The following OLFM3 variants were observed in gnomAD, a reference collection of about 807,000 sequenced individuals.
OLFM3 encodes the protein olfactomedin 3, also known as noelin-3.
Under a neutral mutation model 48.6 loss-of-function variants are expected in OLFM3, and 20 were observed. The observed-to-expected ratio is 0.41, with a 90% confidence interval of 0.29 to 0.60. OLFM3 has a LOEUF of 0.60. Ranked by LOEUF, OLFM3 falls within the 20% of genes least tolerant of loss-of-function variation. The pLI, the probability that OLFM3 is intolerant of heterozygous loss-of-function variation, is 0.28. For synonymous variants in OLFM3, 222 were observed against 198.1 expected (o/e 1.12, Z -1.01); for missense variants, 437 against 544.3 (o/e 0.80, Z 1.96).
At chr1:101,807,230 C>T (rs1006712892) in intron 4 of OLFM3, among the ~76,000 whole-genome samples, 2 of 151,646 alleles carry the variant, frequency 1.3e-5, no homozygotes, top group African/African-American at 4.8e-5. Flanking sequence ...GATTTTTGAA[C>T]AGCAAAATTT....
intron 1 of OLFM3, among the ~76,000 whole-genome samples, chr1:101,915,264 T>A (rs1288896191): frequency 2.6e-5 from 4 of 152,172 alleles, no homozygotes; most frequent in African/African-American, 9.7e-5. Context: ...GAGTGCTTTA[T>A]TTAACCAGTG....
intron 1 of OLFM3, among the ~76,000 whole-genome samples, chr1:101,890,960 T>C (rs1657971504): frequency 6.6e-6 from 1 of 151,980 alleles, no homozygotes; most frequent in Non-Finnish European, 1.5e-5. Flanking sequence ...GCAGAGACCA[T>C]AGTCTTTCAT....
chr1:101,900,517 T>G (rs1180694056), intron 1 of OLFM3, among the ~76,000 whole-genome samples: 2 of 152,126 alleles, frequency 1.3e-5, no homozygotes, highest in Admixed American at 6.6e-5. Flanking sequence ...TTCAGTGGTT[T>G]GAAAATTGGC....
intron 1 of OLFM3, among the ~76,000 whole-genome samples, chr1:101,960,507 T>C (rs1428230139): frequency 6.6e-6 from 1 of 152,180 alleles, no homozygotes; most frequent in Non-Finnish European, 1.5e-5. Flanking sequence ...TCTGTTCTAC[T>C]AGCATTATTG....
chr1:101,826,685 T>C (rs1296338269), intron 3 of OLFM3, among the ~76,000 whole-genome samples: 1 of 152,186 alleles, frequency 6.6e-6, no homozygotes, highest in African/African-American at 2.4e-5. Context: ...GAAAGATTCA[T>C]AAATATCACA....
At chr1:101,885,273 C>G (rs1338570749) in intron 1 of OLFM3, among the ~76,000 whole-genome samples, 8 of 151,980 alleles carry the variant, frequency 5.3e-5, no homozygotes, top group Non-Finnish European at 1.0e-4. Flanking sequence ...CAGAAGATGA[C>G]TTTATGGAGA....
At position 101,996,922 on chromosome 1, in the gene OLFM3, C is replaced by T. The variant is rs1307769088; in HGVS notation, c.-106G>A. 2 of 1,212,254 alleles carry T rather than the reference C, an allele frequency of 1.6e-6. No individual in the cohort carries two copies. The highest frequency in any genetic ancestry group is 3.8e-5 in the Admixed American group (2 of 52,362). 75.1% of individuals were successfully genotyped at this position (1,212,254 alleles called of 1,614,324 possible). A position where few individuals can be genotyped will look rare whatever the true frequency, so the allele number is the denominator to read the frequency against. On this transcript the variant is annotated 5_prime_UTR_variant, in exon 1 of 6. Transcript: ENST00000370103. ...GCACTTTCTGCCTGCCAGTCAGAGC[C>T]GAGTGGAAGCAGAGGCGGCGGCAGC...
intron 1 of OLFM3, among the ~76,000 whole-genome samples, chr1:101,990,584 G>A (rs903802515): frequency 6.6e-6 from 1 of 152,132 alleles, no homozygotes; most frequent in African/African-American, 2.4e-5. Context: ...AGAGCTGAAA[G>A]CCACTTCTTA....
chr1:101,965,248 G>T (rs1386279876), intron 1 of OLFM3, among the ~76,000 whole-genome samples: 1 of 152,044 alleles, frequency 6.6e-6, no homozygotes, highest in African/African-American at 2.4e-5. Flanking sequence ...TAAACCCCCA[G>T]GCTAACGGGA....
intron 4 of OLFM3, among the ~76,000 whole-genome samples, 161 bp downstream of exon 4, chr1:101,824,865 C>T (rs1008471999): frequency 2.6e-5 from 4 of 152,044 alleles, no homozygotes; most frequent in African/African-American, 9.7e-5. Context: ...CACAGAGTAC[C>T]CAGACATGCT....
At chr1:101,926,744 T>C (rs760260026) in intron 1 of OLFM3, among the ~76,000 whole-genome samples, 1 of 152,220 alleles carries the variant, frequency 6.6e-6, no homozygotes, top group Non-Finnish European at 1.5e-5. Context: ...TGTATGATTC[T>C]ATTACGATGA....
chr1:101,920,580 C>T (rs1313008044), intron 1 of OLFM3, among the ~76,000 whole-genome samples: 1 of 152,158 alleles, frequency 6.6e-6, no homozygotes, highest in Non-Finnish European at 1.5e-5. Flanking sequence ...GTTTATTTTT[C>T]CTGTTTGTGT....
chr1:101,982,682 A>T (rs1572472), intron 1 of OLFM3, among the ~76,000 whole-genome samples: 150,160 of 152,280 alleles, frequency 0.99, 74,071 homozygotes, highest in Middle Eastern at 1. Context: ...AGAGAACTGC[A>T]CCTTCCTGAC....
intron 1 of OLFM3, among the ~76,000 whole-genome samples, chr1:101,892,211 G>T (rs1658026352): frequency 6.6e-6 from 1 of 151,672 alleles, no homozygotes; most frequent in African/African-American, 2.4e-5. Context: ...CCAAGCAAGA[G>T]ATGTATTGTA....
At chr1:101,881,938 G>A (rs1657543746) in intron 1 of OLFM3, among the ~76,000 whole-genome samples, 1 of 151,548 alleles carries the variant, frequency 6.6e-6, no homozygotes, top group African/African-American at 2.4e-5. Flanking sequence ...TGTACTGTAT[G>A]TAGTCATGTA....
At chr1:101,835,233 T>A (rs1176183502) in intron 2 of OLFM3, among the ~76,000 whole-genome samples, 1 of 152,208 alleles carries the variant, frequency 6.6e-6, no homozygotes, top group East Asian at 1.9e-4. Flanking sequence ...AGATTAGATC[T>A]TTTTACTAAT....
At chr1:101,960,249 A>G (rs1660428484) in intron 1 of OLFM3, among the ~76,000 whole-genome samples, 1 of 152,162 alleles carries the variant, frequency 6.6e-6, no homozygotes. Context: ...ATAAAGGCTG[A>G]AAGCAATTGA....
chr1:101,812,541 A>G (rs1382704859), intron 4 of OLFM3: 1 of 985,264 alleles, frequency 1.0e-6, no homozygotes, highest in African/African-American at 1.7e-5. Context: ...CCTGAACAAG[A>G]ACTGTCCTTG....
intron 1 of OLFM3, among the ~76,000 whole-genome samples, chr1:101,943,608 T>C (rs923466215): frequency 3.9e-5 from 6 of 152,230 alleles, no homozygotes; most frequent in Non-Finnish European, 4.4e-5. Context: ...ATTGAACTAG[T>C]CTAGATCAGA....
Sources: gnomAD v4.1 joint callset for allele counts (sites outside exome capture counted in the v4.1 genomes callset) on GRCh38, gnomAD v4.1.1 for gene constraint, MANE v1.5 for transcripts, NCBI Gene and HGNC (gene_info 2026-07-23, HGNC 2026-07-21) for gene names.